DCTN1: variants seen among roughly 807,000 people sequenced by gnomAD.
DCTN1 encodes dynactin subunit 1.
A neutral mutation model predicts 161.2 loss-of-function variants in DCTN1; 61 were observed. The ratio of observed to expected loss-of-function variants is 0.38; its 90% CI spans 0.31 to 0.47. The LOEUF (loss-of-function observed/expected upper bound fraction) is 0.47. Ranked by LOEUF, DCTN1 falls within the 20% of genes least tolerant of loss-of-function variation. DCTN1 has a pLI of 0.99. For missense variants in DCTN1, 1,404 were observed against 1,623.7 expected, an observed-to-expected ratio of 0.86 and a Z score of 2.33; for synonymous variants, 653 against 632.4, an observed-to-expected ratio of 1.03 and a Z score of -0.49.
At chr2:74,371,931 A>T in intron 7 of DCTN1, 1 of 579,270 alleles carries the variant, frequency 1.7e-6, no homozygotes, top group East Asian at 2.9e-5. Context: ...ATAGTGACAA[A>T]GGACAGGGGG....
At chr2:74,363,574 C>G in intron 27 of DCTN1, 40 bp downstream of exon 27, 2 of 1,611,706 alleles carry the variant, frequency 1.2e-6, no homozygotes, top group South Asian at 2.2e-5. Context: ...AGCTCCAACT[C>G]CCACCAGCCT....
At position 74,367,419 on chromosome 2, in the gene DCTN1, T is replaced by C. The variant is rs765145792; in HGVS notation, c.2186A>G (p.His729Arg). Residue 729 changes from histidine (H) to arginine (R), a missense_variant and splice_region_variant, in exon 19 of 32, where the codon CAT becomes CGT. This residue lies in a region of DCTN1 where 475 missense variants were observed against 489.8 expected (regional missense o/e 0.97). Coordinates refer to ENST00000628224, the MANE Select transcript of DCTN1 (RefSeq NM_004082.5). ...TTCGGCAAGGTGGATGCTGTACAGATGCTGAGGAGAGATAACAGACAGACA... is the reference window on the plus strand; with the variant it reads ...TTCGGCAAGGTGGATGCTGTACAGACGCTGAGGAGAGATAACAGACAGACA... ...PLTKAIKYYQ[H>R]LYSIHLAEQP... 3 of 1,614,126 alleles carry C rather than the reference T, an allele frequency of 1.9e-6. No individual in the cohort carries two copies. Among genetic ancestry groups the C allele is most frequent in the Non-Finnish European group, 2.5e-6 (3 of 1,180,022 alleles).
chr2:74,367,941 C>T (rs1385910970), intron 17 of DCTN1, 30 bp downstream of exon 17: 1 of 1,614,216 alleles, frequency 6.2e-7, no homozygotes. Context: ...GGACCCCCAC[C>T]CTGGGGTGAG....
chr2:74,361,934 C>A, intron 31 of DCTN1, 118 bp downstream of exon 31: 1 of 1,152,472 alleles, frequency 8.7e-7, no homozygotes, highest in Non-Finnish European at 1.3e-6. Context: ...GGCCAGATAA[C>A]CCAAGGTATG....
chr2:74,368,897 G>A lies in DCTN1; in HGVS notation c.1702-17C>T, dbSNP rs753496750. ...CTCAATTGCCTGTGAGGTGAACAGG[G>A]AGGAGGACTCTTAGCCAGAGCTGAA... is the stretch of plus-strand genomic sequence containing the variant. On this transcript the variant is annotated splice_polypyrimidine_tract_variant and intron_variant, in intron 15 of 31. Coordinates refer to ENST00000628224, the MANE Select transcript of DCTN1 (RefSeq NM_004082.5). 1 of 1,614,000 alleles carries A rather than the reference G, an allele frequency of 6.2e-7. No homozygotes were observed. The highest frequency in any genetic ancestry group is 1.7e-5 in the Admixed American group (1 of 60,034).
chr2:74,363,870 C>T, intron 26 of DCTN1: 1 of 610,130 alleles, frequency 1.6e-6, no homozygotes, highest in Non-Finnish European at 3.0e-6. Context: ...GTGTGAAGAA[C>T]AGTGGCAAAG....
chr2:74,370,860 C>A lies in DCTN1; in HGVS notation c.844-35G>T. 6.2e-7 allele frequency: 1 copy of A among 1,613,776 alleles called. No homozygotes were observed. Among genetic ancestry groups the A allele is most frequent in the Non-Finnish European group, 8.5e-7 (1 of 1,179,712 alleles). ...AAGTGGAGGTGGGAGGGGGTACCAGCACAGAGATGCCCCAGGCCTTTCTCA... is the reference window on the plus strand; with the variant it reads ...AAGTGGAGGTGGGAGGGGGTACCAGAACAGAGATGCCCCAGGCCTTTCTCA... On this transcript the variant is annotated intron_variant, in intron 9 of 31. Transcript: ENST00000628224. This position sits in a 1 kb window ranked among gnomAD's most constrained non-coding sequence, Gnocchi z 4.4.
rs904336421 is a variant in DCTN1 at position 74,374,564 on chromosome 2, GAC to G, written c.415-226_415-225del. The G allele has an allele frequency of 1.3e-5, 17 of 1,348,316 alleles. No individual in the cohort carries two copies. In the African/African-American group the frequency reaches 1.9e-4, roughly 15 times the overall value. The allele number at this position is 1,348,316 out of a possible 1,614,324, so 83.5% of individuals were successfully genotyped here. ...CCAGCCTGCAAACGGCCGCCGCTCT[GAC>G]ACAGAGGCCCCCGCAGACGTGCAGC... On this transcript the variant is annotated intron_variant, in intron 5 of 31. Coordinates refer to ENST00000628224, the MANE Select transcript of DCTN1 (RefSeq NM_004082.5).
chr2:74,367,348 T>A lies in DCTN1; in HGVS notation c.2253+4A>T, dbSNP rs1674495774. 6.2e-7 allele frequency: 1 copy of A among 1,614,018 alleles called. No individual in the cohort carries two copies. The highest frequency in any genetic ancestry group is 1.3e-5 in the African/African-American group (1 of 74,912). ...GGGCTCAATCACTGGCCCAGATACT[T>A]CACCTTAATGTGGTCAGCCAGCTGC... On this transcript the variant is annotated splice_donor_region_variant and intron_variant, in intron 19 of 31. Transcript: ENST00000628224.
chr2:74,373,802 G>T (rs1675042797), intron 6 of DCTN1, among the ~76,000 whole-genome samples: 1 of 152,216 alleles, frequency 6.6e-6, no homozygotes, highest in South Asian at 2.1e-4. Flanking sequence ...CATACACTGA[G>T]GCCAATTCCC....
intron 4 of DCTN1, 62 bp downstream of exon 4, chr2:74,377,370 T>C (rs187085915): frequency 1.1e-5 from 15 of 1,426,888 alleles, no homozygotes; most frequent in Admixed American, 3.3e-5. Flanking sequence ...GCACTGGGTA[T>C]CCCTCCTCTT....
At chr2:74,386,173 C>T (rs1172002909) in intron 1 of DCTN1, among the ~76,000 whole-genome samples, 2 of 152,224 alleles carry the variant, frequency 1.3e-5, no homozygotes, top group Non-Finnish European at 2.9e-5. Context: ...CACAAACTGG[C>T]ATGGTAAGAT....
Position 74,370,806 on chromosome 2 carries a change from T to A in DCTN1, c.863A>T (p.Glu288Val), listed in dbSNP as rs752112913. The A allele has an allele frequency of 1.2e-6, 2 of 1,614,208 alleles. No individual in the cohort carries two copies. The highest frequency in any genetic ancestry group is 8.5e-7 in the Non-Finnish European group (1 of 1,180,036). Residue 288 changes from glutamate (E) to valine (V), a missense_variant, in exon 10 of 32, where the codon GAG becomes GTG. By Grantham distance (121) the Glu-to-Val change is moderately radical. Coordinates refer to ENST00000628224, the MANE Select transcript of DCTN1 (RefSeq NM_004082.5). This position sits in a 1 kb window ranked among gnomAD's most constrained non-coding sequence, Gnocchi z 4.4. ...CTCCTCCATATAGCGTTCCTTTGCC[T>A]CCAGCGCCTCCTTGGCTTCCTGAGG... ...EARKEAKEAL[E>V]AKERYMEEMA...
intron 1 of DCTN1, among the ~76,000 whole-genome samples, chr2:74,379,768 G>C (rs1289011772): frequency 6.6e-6 from 1 of 152,184 alleles, no homozygotes; most frequent in East Asian, 1.9e-4. Context: ...CCTGGTATGA[G>C]GGCCAATTAG....
chr2:74,368,420 T>A, intron 16 of DCTN1: 1 of 604,942 alleles, frequency 1.7e-6, no homozygotes, highest in Non-Finnish European at 2.9e-6. Context: ...CCACCTAGAA[T>A]GCTATCCTGC....
In DCTN1 at chr2:74,366,254, G is replaced by T. The variant is rs537761448; in HGVS notation, c.2750C>A (p.Pro917His). 1.9e-6 allele frequency: 3 copies of T among 1,614,082 alleles called. No homozygotes were observed. The highest frequency in any genetic ancestry group is 3.3e-5 in the Admixed American group (2 of 60,018). Residue 917 changes from proline to histidine, a missense_variant, in exon 23 of 32, where the codon CCC (proline) becomes CAC (histidine). Physicochemically the swap from Pro to His is moderately conservative, Grantham distance 77. Around this residue, in one of 9 missense-constraint regions of DCTN1, gnomAD observed 475 missense variants for 489.8 expected, o/e 0.97. Transcript: ENST00000628224. Reference protein sequence around the residue: ...MQEGEYDAERPPSKPPPVELR... With the variant: ...MQEGEYDAERHPSKPPPVELR... ...GAAATCTCCACCTACCTTGCTGGGG[G>T]GCCGCTCTGCATCATACTCCCCCTC...
chr2:74,377,911 T>C lies in DCTN1; in HGVS notation c.279+89A>G. 7 of 1,578,642 alleles carry C rather than the reference T, an allele frequency of 4.4e-6. No individual in the cohort carries two copies. The South Asian group carries it at 7.9e-5, about 18-fold the overall frequency. On this transcript the variant is annotated intron_variant, in intron 2 of 31. Transcript: ENST00000628224. ...TCTCCCAACCAGAGGCTTATGCCCA[T>C]GCTCAGGAAAACGAAGTACCAACAC...
chr2:74,365,122 C>T lies in DCTN1; in HGVS notation c.3149G>A (p.Gly1050Asp), dbSNP rs756392974. 1 of 1,614,166 alleles carries T rather than the reference C, an allele frequency of 6.2e-7. No homozygotes were observed. The highest frequency in any genetic ancestry group is 2.2e-5 in the East Asian group (1 of 44,882). The part of the protein sequence containing the change: ...QSKRTIEGLR[G>D]PPPSGIATLV... ...AGTAGCAATGCCTGAAGGAGGAGGG[C>T]CCCGGAGTCCCTCAATCGTGCGTTT... Residue 1050 changes from glycine (G) to aspartate (D), a missense_variant, in exon 26 of 32, where the codon GGC (glycine) becomes GAC (aspartate). Gly to Asp is a moderately conservative substitution (Grantham distance 94, BLOSUM62 -1). Coordinates refer to ENST00000628224, the MANE Select transcript of DCTN1 (RefSeq NM_004082.5).
chr2:74,388,582 T>C (rs1675848736), intron 1 of DCTN1, among the ~76,000 whole-genome samples: 1 of 152,234 alleles, frequency 6.6e-6, no homozygotes, highest in Non-Finnish European at 1.5e-5. Context: ...AAGACTCTCC[T>C]GGCTTCTCCA....
Sources: gnomAD v4.1 joint callset for allele counts (sites outside exome capture counted in the v4.1 genomes callset) on GRCh38, gnomAD v4.1.1 for gene constraint, gnomAD v4.1.1 regional missense constraint, Gnocchi (gnomAD v3.1) non-coding constraint, MANE v1.5 for transcripts, NCBI Gene and HGNC (gene_info 2026-07-23, HGNC 2026-07-21) for gene names.